The following STK39 variants were observed in gnomAD, a reference collection of about 807,000 sequenced individuals.
STK39 encodes serine/threonine kinase 39, also known as STE20/SPS1-related proline-alanine-rich protein kinase.
Under a neutral mutation model 77.8 loss-of-function variants are expected in STK39, and 20 were observed. That is an observed-to-expected ratio of 0.26 (90% CI 0.18 to 0.37). The LOEUF is 0.37. Among genes scored for constraint, STK39 ranks in the 10% least tolerant of loss-of-function variants. STK39 has a pLI of 1.00. For synonymous variants in STK39, 246 were observed against 234.1 expected, an observed-to-expected ratio of 1.05 and a Z score of -0.47; for missense variants, 479 against 656.5, an observed-to-expected ratio of 0.73 and a Z score of 2.95.
chr2:168,123,036 T>C (rs550597029), intron 10 of STK39, among the ~76,000 whole-genome samples: 33 of 152,314 alleles, frequency 2.2e-4, no homozygotes, highest in African/African-American at 7.7e-4. Flanking sequence ...ATCAATACCA[T>C]GTGCCTCTTA....
At chr2:168,097,710 C>T (rs918827882) in intron 10 of STK39, among the ~76,000 whole-genome samples, 10 of 149,674 alleles carry the variant, frequency 6.7e-5, no homozygotes, top group African/African-American at 2.2e-4. Flanking sequence ...TTCCAGCCTG[C>T]GTGACAGAGC....
intron 14 of STK39, among the ~76,000 whole-genome samples, chr2:168,051,992 C>CT (rs765347150): frequency 0.014 from 2,037 of 141,042 alleles, 26 homozygotes; most frequent in African/African-American, 0.036. Context: ...ATGAGGAAGA[C>CT]TTTTTTTTTT....
intron 14 of STK39, among the ~76,000 whole-genome samples, chr2:168,029,073 T>A (rs1442630959): frequency 1.3e-5 from 2 of 152,234 alleles, no homozygotes; most frequent in Non-Finnish European, 2.9e-5. Context: ...GCCAACTAGT[T>A]ATTTGGTTTA....
At chr2:168,092,775 C>G (rs950042246) in intron 10 of STK39, among the ~76,000 whole-genome samples, 1 of 151,310 alleles carries the variant, frequency 6.6e-6, no homozygotes, top group Non-Finnish European at 1.5e-5. Flanking sequence ...TTTTCTTTTT[C>G]TACCTAATCC....
Position 168,019,009 on chromosome 2 carries a change from G to A in STK39, c.1377-1914C>T, listed in dbSNP as rs556918224. Among the ~76,000 whole-genome samples, 10 of 152,096 alleles carry A rather than the reference G, an allele frequency of 6.6e-5. No individual in the cohort carries two copies. The East Asian group carries it at 1.4e-3, about 21-fold the overall frequency. On this transcript the variant is annotated intron_variant, in intron 14 of 17. Transcript: ENST00000355999. ...GGCCAATACCTCAAGACATGTCCAA[G>A]CCCACACCGAGATATGAGAGCCTTG...
intron 10 of STK39, among the ~76,000 whole-genome samples, chr2:168,127,365 G>A (rs1687570000): frequency 6.6e-6 from 1 of 152,142 alleles, no homozygotes; most frequent in South Asian, 2.1e-4. Context: ...TGGCCGGGAT[G>A]GTCTCGATCT....
chr2:168,047,148 A>C (rs957304781), intron 14 of STK39, among the ~76,000 whole-genome samples: 3 of 152,244 alleles, frequency 2.0e-5, no homozygotes, highest in African/African-American at 7.2e-5. Context: ...AGAATGTTTT[A>C]AGAAATAAAA....
intron 15 of STK39, among the ~76,000 whole-genome samples, chr2:168,014,181 C>T (rs190569023): frequency 2.5e-4 from 38 of 152,204 alleles, no homozygotes; most frequent in African/African-American, 8.7e-4. Context: ...GCCCTTTTTG[C>T]CAGCAGTACA....
chr2:168,153,519 T>C lies in STK39; in HGVS notation c.628+8268A>G, dbSNP rs529877400. On this transcript the variant is annotated intron_variant, in intron 5 of 17. Transcript: ENST00000355999. ...AGGAGAACACAAGAGTTTGCATTTT[T>C]ATCAAGTTTATGCTGCTGCTGCTGC... Among the ~76,000 whole-genome samples, 4 of 152,206 alleles carry C rather than the reference T, an allele frequency of 2.6e-5. No homozygotes were observed. In the South Asian group the frequency reaches 8.3e-4, roughly 32 times the overall value.
intron 10 of STK39, among the ~76,000 whole-genome samples, chr2:168,089,146 C>T (rs1686449313): frequency 6.6e-6 from 1 of 152,154 alleles, no homozygotes; most frequent in African/African-American, 2.4e-5. Flanking sequence ...AGTGGGGCCA[C>T]AGTTTTGTGC....
At chr2:168,002,530 A>G (rs978238494) in intron 16 of STK39, among the ~76,000 whole-genome samples, 1 of 152,194 alleles carries the variant, frequency 6.6e-6, no homozygotes, top group African/African-American at 2.4e-5. Flanking sequence ...AGAGGATTCA[A>G]TCCTATGAAT....
At chr2:168,181,359 C>T (rs1689079489) in intron 2 of STK39, among the ~76,000 whole-genome samples, 2 of 152,152 alleles carry the variant, frequency 1.3e-5, no homozygotes, top group Non-Finnish European at 2.9e-5. Flanking sequence ...AAGCCAAAAG[C>T]AAATGTTCCT....
intron 16 of STK39, among the ~76,000 whole-genome samples, chr2:167,996,416 A>G (rs547909968): frequency 6.6e-6 from 1 of 152,222 alleles, no homozygotes; most frequent in Non-Finnish European, 1.5e-5. Flanking sequence ...TATAAGAAGA[A>G]GTCTGTACAA....
intron 5 of STK39, among the ~76,000 whole-genome samples, chr2:168,160,601 T>G (rs1469810985): frequency 6.6e-6 from 1 of 152,164 alleles, no homozygotes; most frequent in Non-Finnish European, 1.5e-5. Flanking sequence ...TAGTTTATAT[T>G]TTTACCCTTC....
At chr2:168,176,464 A>G (rs1054245190) in intron 2 of STK39, among the ~76,000 whole-genome samples, 5 of 152,218 alleles carry the variant, frequency 3.3e-5, no homozygotes, top group Non-Finnish European at 7.3e-5. Context: ...CCACGAAGAT[A>G]TCTAGAGCTT....
intron 1 of STK39, among the ~76,000 whole-genome samples, chr2:168,244,314 A>C (rs1260529321): frequency 3.3e-5 from 5 of 152,226 alleles, no homozygotes; most frequent in African/African-American, 4.8e-5. Context: ...TAGTAAACTT[A>C]TTCTCTCTTA....
At chr2:167,979,042 C>T (rs1413163220) in intron 16 of STK39, among the ~76,000 whole-genome samples, 1 of 152,056 alleles carries the variant, frequency 6.6e-6, no homozygotes, top group African/African-American at 2.4e-5. Flanking sequence ...AGTAGTATTC[C>T]ATTGTATGCT....
intron 1 of STK39, among the ~76,000 whole-genome samples, chr2:168,243,877 A>C (rs976682617): frequency 1.3e-5 from 2 of 152,216 alleles, no homozygotes; most frequent in African/African-American, 4.8e-5. Flanking sequence ...TTATACTTCT[A>C]AAGGTAGGGG....
intron 12 of STK39, among the ~76,000 whole-genome samples, chr2:168,072,215 A>G (rs879319197): frequency 1.3e-5 from 2 of 152,368 alleles, no homozygotes; most frequent in Non-Finnish European, 2.9e-5. Flanking sequence ...TTTAATGAAC[A>G]TATTAGTATG....
Sources: gnomAD v4.1 joint callset for allele counts (sites outside exome capture counted in the v4.1 genomes callset) on GRCh38, gnomAD v4.1.1 for gene constraint, MANE v1.5 for transcripts, NCBI Gene and HGNC (gene_info 2026-07-23, HGNC 2026-07-21) for gene names.